The following CTNND2 variants were observed in gnomAD, a reference collection of about 807,000 sequenced individuals.
The protein encoded by CTNND2 is catenin delta 2, also known as catenin delta-2.
Under a neutral mutation model 144.4 loss-of-function variants are expected in CTNND2, and 22 were observed. The observed-to-expected ratio is 0.15, with a 90% CI of 0.11 to 0.22. The LOEUF (loss-of-function observed/expected upper bound fraction) is 0.22, where lower values mean the gene tolerates loss of function less well. Ranked by LOEUF, CTNND2 falls within the 10% of genes least tolerant of loss-of-function variation. CTNND2 has a pLI of 1.00. For synonymous variants in CTNND2, 751 were observed against 695.6 expected, an observed-to-expected ratio of 1.08 and a Z score of -1.25; for missense variants, 1,353 against 1,618.8, an observed-to-expected ratio of 0.84 and a Z score of 2.82.
At chr5:11,861,772 A>G (rs6897411) in intron 1 of CTNND2, among the ~76,000 whole-genome samples, 44,716 of 152,102 alleles carry the variant, frequency 0.29, 6,653 homozygotes, top group South Asian at 0.46. Flanking sequence ...ATCTCTCTGA[A>G]GTGATGACTA....
chr5:11,462,102 T>C (rs1766273093), intron 3 of CTNND2, among the ~76,000 whole-genome samples: 1 of 152,024 alleles, frequency 6.6e-6, no homozygotes, highest in Admixed American at 6.5e-5. Context: ...TTGGTCTCAG[T>C]GCTCACAAAT....
In CTNND2 at chr5:11,384,458, C is replaced by A. The variant is rs1454243503; in HGVS notation, c.1177+207G>T. 3.4e-6 allele frequency: 2 copies of A among 588,028 alleles called. No individual in the cohort carries two copies. The highest frequency in any genetic ancestry group is 6.0e-6 in the Non-Finnish European group (2 of 331,660). 36.4% of individuals were successfully genotyped at this position (588,028 alleles called of 1,614,324 possible). Reference sequence around the variant, plus strand: ...GATATAGGTGTTAGAGATTGAGACACCACATTACTCCGGAAAAGAAGTCAC... The same window carrying A: ...GATATAGGTGTTAGAGATTGAGACAACACATTACTCCGGAAAAGAAGTCAC... On this transcript the variant is annotated intron_variant, in intron 7 of 21. Coordinates refer to ENST00000304623, the MANE Select transcript of CTNND2 (RefSeq NM_001332.4). The surrounding 1 kb of genome is among the most constrained non-coding windows in gnomAD (Gnocchi z 5.2).
chr5:11,726,685 T>G (rs1359870952), intron 2 of CTNND2, among the ~76,000 whole-genome samples: 1 of 152,222 alleles, frequency 6.6e-6, no homozygotes, highest in East Asian at 1.9e-4. Context: ...TATTGTCATG[T>G]TACAAAACCC....
intron 16 of CTNND2, among the ~76,000 whole-genome samples, chr5:11,076,322 TGA>T (rs1748946581): frequency 6.6e-6 from 1 of 152,192 alleles, no homozygotes; most frequent in African/African-American, 2.4e-5. Flanking sequence ...ATGTTTGGTT[TGA>T]GTTTGTTTTG....
intron 3 of CTNND2, among the ~76,000 whole-genome samples, chr5:11,423,929 A>C (rs890023996): frequency 6.6e-6 from 1 of 152,192 alleles, no homozygotes. Context: ...AAGATTTGTA[A>C]AAAATAAGTT....
chr5:11,709,606 A>C (rs982514965), intron 2 of CTNND2, among the ~76,000 whole-genome samples: 4 of 152,174 alleles, frequency 2.6e-5, no homozygotes, highest in Admixed American at 1.3e-4. Flanking sequence ...CGTGACCTGC[A>C]AAAACAACAT....
At chr5:11,037,385 C>T (rs1040265156) in intron 16 of CTNND2, among the ~76,000 whole-genome samples, 3 of 152,090 alleles carry the variant, frequency 2.0e-5, no homozygotes, top group African/African-American at 7.2e-5. Context: ...CACAACAGCT[C>T]GATTAAAGGA....
intron 12 of CTNND2, among the ~76,000 whole-genome samples, chr5:11,155,904 T>C (rs919608921): frequency 2.6e-5 from 4 of 152,228 alleles, no homozygotes; most frequent in Non-Finnish European, 5.9e-5. Context: ...GTCAACATGA[T>C]ATAGCTTCCC....
intron 1 of CTNND2, among the ~76,000 whole-genome samples, chr5:11,845,933 C>A (rs1367821137): frequency 6.6e-6 from 1 of 152,024 alleles, no homozygotes; most frequent in Non-Finnish European, 1.5e-5. Context: ...TAAAATGTAA[C>A]CCCCGTGAGA....
intron 9 of CTNND2, among the ~76,000 whole-genome samples, chr5:11,301,183 A>AT (rs397709037): frequency 0.43 from 65,446 of 151,530 alleles, 14,311 homozygotes; most frequent in Middle Eastern, 0.45. Flanking sequence ...TGCCCAGCTA[A>AT]TTTTTTTGTA....
intron 2 of CTNND2, among the ~76,000 whole-genome samples, chr5:11,593,201 T>C (rs1779341946): frequency 6.9e-6 from 1 of 144,010 alleles, no homozygotes. Flanking sequence ...TAACAGAATA[T>C]AAAAAAAGTT....
chr5:11,871,012 T>C (rs1735060584), intron 1 of CTNND2, among the ~76,000 whole-genome samples: 1 of 152,058 alleles, frequency 6.6e-6, no homozygotes, highest in Non-Finnish European at 1.5e-5. Context: ...GGTAATTAGG[T>C]TTAGGTAAGG....
intron 3 of CTNND2, among the ~76,000 whole-genome samples, chr5:11,528,834 C>T (rs1773490056): frequency 1.3e-5 from 2 of 152,260 alleles, no homozygotes; most frequent in African/African-American, 4.8e-5. Flanking sequence ...CTGACCTCAG[C>T]AGGCACTTTA....
intron 2 of CTNND2, among the ~76,000 whole-genome samples, chr5:11,617,550 C>T (rs1780637877): frequency 6.6e-6 from 1 of 152,184 alleles, no homozygotes; most frequent in South Asian, 2.1e-4. Context: ...ATTTACTGAG[C>T]AGCTATTATT....
At chr5:11,758,626 T>A (rs1789084862) in intron 1 of CTNND2, among the ~76,000 whole-genome samples, 1 of 152,072 alleles carries the variant, frequency 6.6e-6, no homozygotes, top group South Asian at 2.1e-4. Context: ...AAAGCTGTAA[T>A]TTCTCTGTGT....
rs546191075 is a variant in CTNND2 at position 11,836,564 on chromosome 5, A to C, written c.37+67253T>G. On this transcript the variant is annotated intron_variant, in intron 1 of 21. Coordinates refer to ENST00000304623, the MANE Select transcript of CTNND2 (RefSeq NM_001332.4). ...AAAAAAAAAAAGATTCCATTAGCCA[A>C]ACAGACAATTTAAAGTTCAAGCAAA... Among the ~76,000 whole-genome samples the C allele has an allele frequency of 2.0e-5, 3 of 152,286 alleles. No individual in the cohort carries two copies. The East Asian group carries it at 5.8e-4, about 29-fold the overall frequency.
At chr5:11,337,112 C>A (rs533622247) in intron 9 of CTNND2, among the ~76,000 whole-genome samples, 5 of 152,196 alleles carry the variant, frequency 3.3e-5, no homozygotes, top group East Asian at 1.9e-4. Flanking sequence ...AAGCACAGAA[C>A]CTTCTTTGCA....
chr5:11,496,178 A>G (rs1043582577), intron 3 of CTNND2, among the ~76,000 whole-genome samples: 23 of 152,302 alleles, frequency 1.5e-4, no homozygotes, highest in African/African-American at 4.8e-4. Context: ...GGGTATTTCT[A>G]AAGTGCATTC....
intron 16 of CTNND2, among the ~76,000 whole-genome samples, chr5:11,076,152 A>G (rs1462334870): frequency 1.3e-5 from 2 of 152,242 alleles, no homozygotes; most frequent in East Asian, 3.8e-4. Flanking sequence ...ATAAAATTAC[A>G]CAATGGAAAT....
Sources: gnomAD v4.1 joint callset for allele counts (sites outside exome capture counted in the v4.1 genomes callset) on GRCh38, gnomAD v4.1.1 for gene constraint, Gnocchi (gnomAD v3.1) non-coding constraint, MANE v1.5 for transcripts, NCBI Gene and HGNC (gene_info 2026-07-23, HGNC 2026-07-21) for gene names.